Variants in NUFIP1 observed in about 807,000 individuals in gnomAD.
The protein encoded by NUFIP1 is FMR1-interacting protein NUFIP1.
Under a neutral mutation model 56.2 loss-of-function variants are expected in NUFIP1, and 38 were observed. The ratio of observed to expected loss-of-function variants is 0.68; its 90% CI spans 0.52 to 0.89. The LOEUF (loss-of-function observed/expected upper bound fraction) is 0.89, where lower values mean the gene tolerates loss of function less well. Ranked by LOEUF, NUFIP1 falls within the 40% of genes least tolerant of loss-of-function variation. The pLI is 0.00. For missense variants in NUFIP1, 567 were observed against 605.8 expected (o/e 0.94, Z 0.67); for synonymous variants, 215 against 212.4 (o/e 1.01, Z -0.10).
chr13:44,980,420 G>T (rs761923076), intron 3 of NUFIP1, among the ~76,000 whole-genome samples: 2 of 152,188 alleles, frequency 1.3e-5, no homozygotes, highest in Non-Finnish European at 1.5e-5. Context: ...AAAGGGGAAA[G>T]AACTCATTAA....
chr13:44,956,242 G>C (rs1566058153), intron 7 of NUFIP1, among the ~76,000 whole-genome samples: 1 of 151,410 alleles, frequency 6.6e-6, no homozygotes, highest in Non-Finnish European at 1.5e-5. Flanking sequence ...CAGTCCATGG[G>C]CCATGGTTTG....
chr13:44,966,374 G>A (rs903161315), intron 5 of NUFIP1, among the ~76,000 whole-genome samples: 5 of 151,964 alleles, frequency 3.3e-5, no homozygotes, highest in Admixed American at 1.3e-4. Context: ...GAGTGCAATG[G>A]TGCGATCTCA....
chr13:44,943,704 T>TAAACAAAACA, intron 8 of NUFIP1, 30 bp from the exon 9 acceptor site: 1 of 1,554,662 alleles, frequency 6.4e-7, no homozygotes, highest in South Asian at 1.2e-5. Flanking sequence ...AACACAAAAA[T>TAAACAAAACA]AAACAAAACA....
intron 1 of NUFIP1, 129 bp downstream of exon 1, chr13:44,988,896 T>A (rs537884860): frequency 2.9e-5 from 26 of 890,804 alleles, no homozygotes; most frequent in Non-Finnish European, 4.0e-5. Context: ...CACTTTGCTT[T>A]GAGATGCTAA....
chr13:44,981,877 A>T (rs942973011), intron 2 of NUFIP1, among the ~76,000 whole-genome samples, 195 bp downstream of exon 2: 5 of 147,952 alleles, frequency 3.4e-5, no homozygotes, highest in African/African-American at 1.2e-4. Context: ...GAAAAGAAAC[A>T]AAAATTTAGT....
intron 5 of NUFIP1, among the ~76,000 whole-genome samples, chr13:44,966,254 T>C (rs774692419): frequency 3.9e-5 from 6 of 152,188 alleles, no homozygotes; most frequent in Non-Finnish European, 5.9e-5. Flanking sequence ...CCATAAATAC[T>C]GTAAAAAAAA....
chr13:44,948,183 C>T (rs1050008525), intron 8 of NUFIP1, among the ~76,000 whole-genome samples: 6 of 144,952 alleles, frequency 4.1e-5, no homozygotes, highest in South Asian at 2.2e-4. Context: ...CTCACTGTCA[C>T]CCGGGCTGGA....
chr13:44,987,159 C>A lies in NUFIP1; in HGVS notation c.412+1866G>T, dbSNP rs564009105. ...TTCGGAGGCCAAGGAGGATGGATCA[C>A]TTGAGGTCAGGAGTTCGAGATAAGC... On this transcript the variant is annotated intron_variant, in intron 1 of 9. Transcript: ENST00000379161. Among the ~76,000 whole-genome samples the A allele has an allele frequency of 7.9e-5, 12 of 152,274 alleles. No individual in the cohort carries two copies. The South Asian group carries it at 2.1e-3, about 26-fold the overall frequency.
At chr13:44,968,375 C>T (rs1292352727) in intron 5 of NUFIP1, among the ~76,000 whole-genome samples, 3 of 142,726 alleles carry the variant, frequency 2.1e-5, no homozygotes, top group African/African-American at 7.7e-5. Flanking sequence ...GTGTCCAGTT[C>T]TGTACTTCTA....
chr13:44,962,890 T>C (rs928198474), intron 6 of NUFIP1, among the ~76,000 whole-genome samples: 3 of 152,224 alleles, frequency 2.0e-5, no homozygotes, highest in African/African-American at 7.2e-5. Context: ...GGTACAGGGC[T>C]GTAGCCTAAG....
At chr13:44,970,819 T>C (rs2137914482) in intron 5 of NUFIP1, among the ~76,000 whole-genome samples, 1 of 152,188 alleles carries the variant, frequency 6.6e-6, no homozygotes, top group South Asian at 2.1e-4. Context: ...GGATTACAGG[T>C]GCGTGCCACG....
intron 1 of NUFIP1, among the ~76,000 whole-genome samples, chr13:44,988,203 G>A (rs1271028799): frequency 6.6e-6 from 1 of 152,206 alleles, no homozygotes; most frequent in East Asian, 1.9e-4. Flanking sequence ...GCGGATGCCT[G>A]AGCTCAGGAG....
At position 44,940,064 on chromosome 13, in the gene NUFIP1, TTAATA is replaced by T. The variant is rs1324274613; in HGVS notation, c.*1137_*1141del. 2.6e-5 allele frequency: 4 copies of T among 152,178 alleles called. No homozygotes were observed. Among genetic ancestry groups the T allele is most frequent in the African/African-American group, 9.7e-5 (4 of 41,446 alleles). 9.4% of individuals were successfully genotyped at this position (152,178 alleles called of 1,614,324 possible). ...CATGGCCTTATTTATTTGTATACCT[TTAATA>T]TAGGCACAATAGAGGTACAAAGAGT... On this transcript the variant is annotated 3_prime_UTR_variant, in exon 10 of 10. Coordinates refer to ENST00000379161, the MANE Select transcript of NUFIP1 (RefSeq NM_012345.3).
At chr13:44,988,347 G>C (rs1388982152) in intron 1 of NUFIP1, among the ~76,000 whole-genome samples, 1 of 152,190 alleles carries the variant, frequency 6.6e-6, no homozygotes, top group Non-Finnish European at 1.5e-5. Context: ...TTGAACTCGG[G>C]AGGCAGAGGT....
intron 5 of NUFIP1, among the ~76,000 whole-genome samples, chr13:44,978,697 T>C: frequency 6.6e-6 from 1 of 152,192 alleles, no homozygotes; most frequent in South Asian, 2.1e-4. Flanking sequence ...CACCTGTGCA[T>C]CTTATTTAGC....
At chr13:44,942,446 A>G (rs1870772143) in intron 9 of NUFIP1, among the ~76,000 whole-genome samples, 1 of 152,252 alleles carries the variant, frequency 6.6e-6, no homozygotes, top group African/African-American at 2.4e-5. Flanking sequence ...TTTACTATGT[A>G]TACAAAATGG....
chr13:44,941,250 A>C lies in NUFIP1; in HGVS notation c.1444T>G (p.Phe482Val), dbSNP rs368390839. 2.1e-5 allele frequency: 34 copies of C among 1,611,804 alleles called. No homozygotes were observed. The highest frequency in any genetic ancestry group is 2.7e-5 in the Non-Finnish European group (32 of 1,179,164). The change falls in exon 10 of 10, where the codon TTT (phenylalanine) becomes GTT (valine). Residue 482 changes from phenylalanine (F) to valine (V), a missense_variant. Phe to Val is a conservative substitution (Grantham distance 50, BLOSUM62 -1). Coordinates refer to ENST00000379161, the MANE Select transcript of NUFIP1 (RefSeq NM_012345.3). ...QCVRYIIKKD[F>V]FGLDTNSAKS... ...GCAGAATTAGTATCCAGTCCAAAAA[A>C]GTCTTTTTTGATGATGTACCGAACA...
chr13:44,945,134 C>T (rs1870866404), intron 8 of NUFIP1, among the ~76,000 whole-genome samples: 1 of 151,732 alleles, frequency 6.6e-6, no homozygotes, highest in Non-Finnish European at 1.5e-5. Flanking sequence ...TGCACCAAGA[C>T]TTTTTGAGAA....
At chr13:44,964,617 A>C (rs1230548542) in intron 6 of NUFIP1, among the ~76,000 whole-genome samples, 1 of 152,094 alleles carries the variant, frequency 6.6e-6, no homozygotes, top group Non-Finnish European at 1.5e-5. Flanking sequence ...AAAAAACTAC[A>C]GAAAGAGAGA....
Sources: allele counts gnomAD v4.1 joint callset (sites outside exome capture counted in the v4.1 genomes callset), GRCh38; gene constraint gnomAD v4.1.1; transcripts MANE v1.5; gene names NCBI Gene and HGNC (gene_info 2026-07-23, HGNC 2026-07-21).